SEMA3D: variants seen among roughly 807,000 people sequenced by gnomAD.
The protein encoded by SEMA3D is semaphorin-3D.
SEMA3D carries 84 observed loss-of-function variants against 100.1 expected under a neutral mutation model. That is an observed-to-expected ratio of 0.84 (90% CI 0.70 to 1.01). The LOEUF is 1.01. SEMA3D is among the 50% of genes least tolerant of loss of function. The probability of loss-of-function intolerance (pLI) is 0.00; values close to 1 mark genes in which losing one functional copy is unlikely to be tolerated. For missense variants in SEMA3D, 875 were observed against 934.1 expected, an observed-to-expected ratio of 0.94 and a Z score of 0.82; for synonymous variants, 312 against 320.7, an observed-to-expected ratio of 0.97 and a Z score of 0.29.
intron 16 of SEMA3D, among the ~76,000 whole-genome samples, chr7:85,013,762 A>G (rs1790022969): frequency 6.6e-6 from 1 of 151,814 alleles, no homozygotes; most frequent in South Asian, 2.1e-4. Context: ...GGCATGTCTG[A>G]AAGATCAGAG....
At chr7:85,019,621 T>C (rs1393310073) in intron 14 of SEMA3D, among the ~76,000 whole-genome samples, 1 of 151,738 alleles carries the variant, frequency 6.6e-6, no homozygotes, top group Non-Finnish European at 1.5e-5. Context: ...ATTTCAAATG[T>C]TACAATCAGC....
the SEMA3D span, among the ~76,000 whole-genome samples, chr7:85,249,794 T>A: frequency 6.6e-6 from 1 of 152,158 alleles, no homozygotes; most frequent in Admixed American, 6.5e-5. Flanking sequence ...CAGAAAAAAT[T>A]CTCTAAAACT....
At position 85,064,343 on chromosome 7, in the gene SEMA3D, C is replaced by A. The variant is rs114986408; in HGVS notation, c.718+1081G>T. Among the ~76,000 whole-genome samples, 1,065 of 152,276 alleles carry A rather than the reference C, an allele frequency of 7.0e-3. 11 individuals are homozygous for A. The highest frequency in any genetic ancestry group is 0.024 in the African/African-American group (997 of 41,554). On this transcript the variant is annotated intron_variant, in intron 8 of 18. Transcript: ENST00000284136. Reference sequence around the variant, plus strand: ...TGCACAAAAAGATAGCTTTGCTTTGCATGTGTGTTAAGAAATTAATGGGTA... The same window carrying A: ...TGCACAAAAAGATAGCTTTGCTTTGAATGTGTGTTAAGAAATTAATGGGTA...
chr7:85,052,479 CAAAACAAAAATA>C (rs1791193882), intron 9 of SEMA3D, among the ~76,000 whole-genome samples: 1 of 151,684 alleles, frequency 6.6e-6, no homozygotes, highest in African/African-American at 2.4e-5. Flanking sequence ...AAACCAAAAC[CAAAACAAAAATA>C]AAAACGAAAA....
intron 1 of SEMA3D, among the ~76,000 whole-genome samples, chr7:85,161,654 T>C (rs1040130352): frequency 3.3e-5 from 5 of 152,064 alleles, no homozygotes; most frequent in African/African-American, 1.2e-4. Flanking sequence ...CAAACAATTC[T>C]TAGGTGGGAC....
At chr7:85,087,140 T>C (rs1246492712) in intron 4 of SEMA3D, among the ~76,000 whole-genome samples, 1 of 152,206 alleles carries the variant, frequency 6.6e-6, no homozygotes, top group Non-Finnish European at 1.5e-5. Context: ...CATGGCCCTG[T>C]TTCTAAAAGC....
intron 6 of SEMA3D, among the ~76,000 whole-genome samples, chr7:85,068,842 T>G (rs1791696556): frequency 6.6e-6 from 1 of 152,214 alleles, no homozygotes; most frequent in East Asian, 1.9e-4. Flanking sequence ...AAAAAAATCC[T>G]GTTGTAGTAT....
chr7:85,153,160 G>A (rs1790479072), intron 2 of SEMA3D, among the ~76,000 whole-genome samples: 1 of 152,016 alleles, frequency 6.6e-6, no homozygotes, highest in African/African-American at 2.4e-5. Context: ...GGTATAAGCA[G>A]GTTTTGCATC....
the SEMA3D span, among the ~76,000 whole-genome samples, chr7:85,244,762 G>A: frequency 6.9e-6 from 1 of 145,292 alleles, no homozygotes; most frequent in Non-Finnish European, 1.5e-5. Flanking sequence ...TCAGGCTGGA[G>A]TGCAGTGGTG....
At chr7:85,182,790 T>C (rs1791440885) in intron 1 of SEMA3D, among the ~76,000 whole-genome samples, 1 of 152,320 alleles carries the variant, frequency 6.6e-6, no homozygotes, top group East Asian at 1.9e-4. Context: ...TGTGAATATT[T>C]GTTTCTCCTT....
chr7:85,036,939 G>T lies in SEMA3D; in HGVS notation c.1141C>A (p.His381Asn). Reference sequence around the variant, plus strand: ...CTCCCATCATACTGCACCCAACGATGGTCTGCACTTTCCTTATGAGCATAT... The same window carrying T: ...CTCCCATCATACTGCACCCAACGATTGTCTGCACTTTCCTTATGAGCATAT... ...GPYAHKESAD[H>N]RWVQYDGRIP... is the part of the protein sequence containing the mutation. The change falls in exon 12 of 19, where the codon CAT becomes AAT. Residue 381 changes from histidine (H) to asparagine (N), a missense_variant. Physicochemically the swap from His to Asn is moderately conservative, Grantham distance 68. Transcript: ENST00000284136. 6.2e-7 allele frequency: 1 copy of T among 1,613,258 alleles called. No individual in the cohort carries two copies. Among genetic ancestry groups the T allele is most frequent in the Non-Finnish European group, 8.5e-7 (1 of 1,179,456 alleles).
At chr7:85,119,426 A>G (rs1285007235) in intron 3 of SEMA3D, among the ~76,000 whole-genome samples, 1 of 152,202 alleles carries the variant, frequency 6.6e-6, no homozygotes, top group African/African-American at 2.4e-5. Flanking sequence ...CTGGAATACT[A>G]TGCAGCCATA....
At chr7:85,065,354 A>G in intron 8 of SEMA3D, 70 bp downstream of exon 8, 1 of 1,354,034 alleles carries the variant, frequency 7.4e-7, no homozygotes, top group Non-Finnish European at 1.0e-6. Flanking sequence ...TTGAATGAAT[A>G]ATAATACACT....
intron 12 of SEMA3D, among the ~76,000 whole-genome samples, chr7:85,024,575 G>C (rs540782623): frequency 6.6e-6 from 1 of 151,622 alleles, no homozygotes; most frequent in Non-Finnish European, 1.5e-5. Context: ...AATCTAAGGC[G>C]GAAAAAAAGG....
chr7:85,202,478 T>A, the SEMA3D span, among the ~76,000 whole-genome samples: 1 of 151,934 alleles, frequency 6.6e-6, no homozygotes, highest in Non-Finnish European at 1.5e-5. Flanking sequence ...TTTGGGTTGG[T>A]TCCAAGTCTT....
chr7:85,177,471 T>C (rs1791270309), intron 1 of SEMA3D, among the ~76,000 whole-genome samples: 1 of 152,138 alleles, frequency 6.6e-6, no homozygotes, highest in South Asian at 2.1e-4. Context: ...CACAGTAATT[T>C]TGGCAAGAAT....
intron 4 of SEMA3D, among the ~76,000 whole-genome samples, chr7:85,095,981 A>G (rs748179877): frequency 3.0e-4 from 45 of 152,022 alleles, no homozygotes; most frequent in Non-Finnish European, 5.2e-4. Flanking sequence ...GTTCAGATAA[A>G]GGGAATTTTT....
chr7:85,171,652 C>T (rs1791086164), intron 1 of SEMA3D, among the ~76,000 whole-genome samples: 1 of 151,874 alleles, frequency 6.6e-6, no homozygotes, highest in African/African-American at 2.4e-5. Flanking sequence ...TGAAAAAGGA[C>T]ACCCTTTATG....
At chr7:85,151,779 T>A in intron 2 of SEMA3D, 2 of 839,806 alleles carry the variant, frequency 2.4e-6, no homozygotes, top group Non-Finnish European at 2.9e-6. Context: ...TAAACTATTA[T>A]ATTAGAAGAA....
Sources: allele counts gnomAD v4.1 joint callset (sites outside exome capture counted in the v4.1 genomes callset), GRCh38; gene constraint gnomAD v4.1.1; transcripts MANE v1.5; gene names NCBI Gene and HGNC (gene_info 2026-07-23, HGNC 2026-07-21).